Variants in ELOVL6 observed in about 807,000 individuals in gnomAD.
The protein encoded by ELOVL6 is ELOVL fatty acid elongase 6, also known as very long chain fatty acid elongase 6.
In ELOVL6, 8 loss-of-function variants were observed where a neutral mutation model predicts 31.7. The observed-to-expected ratio is 0.25, with a 90% CI of 0.15 to 0.45. The LOEUF (loss-of-function observed/expected upper bound fraction) is 0.45, where lower values mean the gene tolerates loss of function less well. Ranked by LOEUF, ELOVL6 falls within the 20% of genes least tolerant of loss-of-function variation. The pLI, the probability that ELOVL6 is intolerant of heterozygous loss-of-function variation, is 1.00. For missense variants in ELOVL6, 126 were observed against 326.4 expected (o/e 0.39, Z 4.73); for synonymous variants, 101 against 117.7 (o/e 0.86, Z 0.92).
chr4:110,166,426 C>T (rs1758776299), intron 1 of ELOVL6, among the ~76,000 whole-genome samples: 1 of 152,088 alleles, frequency 6.6e-6, no homozygotes, highest in East Asian at 1.9e-4. Flanking sequence ...TCCCGGCCAA[C>T]AACCGTGAAA....
At chr4:110,105,426 G>A (rs1756859911) in intron 2 of ELOVL6, 71 bp downstream of exon 2, 41 of 1,414,434 alleles carry the variant, frequency 2.9e-5, no homozygotes, top group Non-Finnish European at 4.0e-5. Flanking sequence ...AAAATCAAAT[G>A]CTCAATCATT....
At chr4:110,109,634 C>T (rs1299120979) in intron 1 of ELOVL6, among the ~76,000 whole-genome samples, 1 of 152,096 alleles carries the variant, frequency 6.6e-6, no homozygotes, top group South Asian at 2.1e-4. Context: ...TCTTGCTTTA[C>T]CCATTAACAT....
chr4:110,081,856 T>C (rs146426931), intron 2 of ELOVL6, among the ~76,000 whole-genome samples: 57,774 of 138,644 alleles, frequency 0.42, 13,416 homozygotes, highest in African/African-American at 0.56. Context: ...TGACAAAGGG[T>C]TAATACCCAG....
At chr4:110,113,437 G>A (rs1757092836) in intron 1 of ELOVL6, among the ~76,000 whole-genome samples, 2 of 151,882 alleles carry the variant, frequency 1.3e-5, no homozygotes, top group African/African-American at 2.4e-5. Context: ...TTAAAAATTA[G>A]TCTGCTGTAG....
chr4:110,179,628 A>G (rs1231735480), intron 1 of ELOVL6, among the ~76,000 whole-genome samples: 2 of 152,250 alleles, frequency 1.3e-5, no homozygotes, highest in African/African-American at 4.8e-5. Context: ...GACAACTAGC[A>G]AGCTATTGAT....
At chr4:110,092,553 G>T (rs957855911) in intron 2 of ELOVL6, among the ~76,000 whole-genome samples, 3 of 152,142 alleles carry the variant, frequency 2.0e-5, no homozygotes, top group South Asian at 2.1e-4. Flanking sequence ...TACTCATCTC[G>T]CAATGTTTCA....
chr4:110,170,692 T>C (rs966526354), intron 1 of ELOVL6, among the ~76,000 whole-genome samples: 1 of 152,234 alleles, frequency 6.6e-6, no homozygotes. Context: ...AAGATTATGA[T>C]TTGCCTTAGA....
At chr4:110,095,665 A>G (rs1451189500) in intron 2 of ELOVL6, among the ~76,000 whole-genome samples, 1 of 152,178 alleles carries the variant, frequency 6.6e-6, no homozygotes, top group Non-Finnish European at 1.5e-5. Flanking sequence ...TAAGCAAAAG[A>G]GTTTTAATTA....
chr4:110,144,371 C>T (rs1023807505), intron 1 of ELOVL6, among the ~76,000 whole-genome samples: 9 of 152,250 alleles, frequency 5.9e-5, no homozygotes, highest in South Asian at 4.1e-4. Flanking sequence ...CACTATAAAT[C>T]GATAAACGAC....
chr4:110,064,520 G>A (rs188521941), intron 2 of ELOVL6, among the ~76,000 whole-genome samples: 1 of 152,230 alleles, frequency 6.6e-6, no homozygotes, highest in Admixed American at 6.5e-5. Flanking sequence ...CTGGAGTGCA[G>A]TGGCGCAATC....
At chr4:110,191,717 C>T (rs4698813) in intron 1 of ELOVL6, among the ~76,000 whole-genome samples, 33,389 of 151,962 alleles carry the variant, frequency 0.22, 3,917 homozygotes, top group East Asian at 0.37. Context: ...GGCCGGGCAC[C>T]TGTAATCCCA....
chr4:110,130,366 A>G (rs151125552), intron 1 of ELOVL6, among the ~76,000 whole-genome samples: 194 of 152,300 alleles, frequency 1.3e-3, no homozygotes, highest in African/African-American at 4.3e-3. Flanking sequence ...TGACATTTGT[A>G]TAGCCTCCCT....
intron 2 of ELOVL6, among the ~76,000 whole-genome samples, chr4:110,094,968 C>T (rs563055164): frequency 6.6e-6 from 1 of 152,128 alleles, no homozygotes; most frequent in African/African-American, 2.4e-5. Flanking sequence ...ATTCTTGCCC[C>T]AAGAAATTCA....
chr4:110,168,535 A>G (rs572516207), intron 1 of ELOVL6, among the ~76,000 whole-genome samples: 1 of 152,182 alleles, frequency 6.6e-6, no homozygotes, highest in South Asian at 2.1e-4. Context: ...AAAAAAAAAA[A>G]GTCAAATTCA....
chr4:110,103,053 T>C (rs1407656813), intron 2 of ELOVL6, among the ~76,000 whole-genome samples: 1 of 152,182 alleles, frequency 6.6e-6, no homozygotes, highest in East Asian at 1.9e-4. Context: ...GTTTCCACTT[T>C]TGCTTCTTCC....
intron 2 of ELOVL6, among the ~76,000 whole-genome samples, chr4:110,072,417 A>G (rs925972650): frequency 6.6e-6 from 1 of 152,236 alleles, no homozygotes; most frequent in African/African-American, 2.4e-5. Context: ...CAGAGGTTGC[A>G]GTGAGCCAAG....
intron 2 of ELOVL6, among the ~76,000 whole-genome samples, chr4:110,104,238 G>A (rs1234103348): frequency 1.3e-5 from 2 of 152,172 alleles, no homozygotes; most frequent in Non-Finnish European, 2.9e-5. Flanking sequence ...TACTTCAGGT[G>A]AGGCATACTC....
intron 1 of ELOVL6, among the ~76,000 whole-genome samples, chr4:110,190,522 T>C (rs1759582890): frequency 6.6e-6 from 1 of 152,210 alleles, no homozygotes; most frequent in African/African-American, 2.4e-5. Context: ...TGTTTTGTTT[T>C]GAGACGGAGT....
rs183621961 is a variant in ELOVL6, at chr4:110,155,674, G to T, written c.89+42573C>A. On this transcript the variant is annotated intron_variant, in intron 1 of 3. Coordinates refer to ENST00000302274, the MANE Select transcript of ELOVL6 (RefSeq NM_024090.3). ...GACCCCGAGACAGTTCAATATGCAT[G>T]ATACAATGGCTACATATTGCAGGTA... Among the ~76,000 whole-genome samples, 3 of 152,130 alleles carry T rather than the reference G, an allele frequency of 2.0e-5. No homozygotes were observed. The East Asian group carries it at 5.8e-4, about 29-fold the overall frequency.
Sources: gnomAD v4.1 joint callset for allele counts (sites outside exome capture counted in the v4.1 genomes callset) on GRCh38, gnomAD v4.1.1 for gene constraint, MANE v1.5 for transcripts, NCBI Gene and HGNC (gene_info 2026-07-23, HGNC 2026-07-21) for gene names.